The following ABTB3 variants were observed in gnomAD, a reference collection of about 807,000 sequenced individuals.
ABTB3 encodes ankyrin repeat and BTB domain containing 3, also known as ankyrin repeat- and BTB/POZ domain-containing protein 3.
At chr12:107,392,768 C>T in the ABTB3 span, among the ~76,000 whole-genome samples, 4 of 152,220 alleles carry the variant, frequency 2.6e-5, no homozygotes, top group African/African-American at 9.6e-5. Context: ...CATTGCTGAA[C>T]TAAGCCTGGT....
chr12:107,470,107 C>T, the ABTB3 span, among the ~76,000 whole-genome samples: 1 of 150,956 alleles, frequency 6.6e-6, no homozygotes, highest in Non-Finnish European at 1.5e-5. Context: ...GGCATAATCT[C>T]GGCTCACTGC....
chr12:107,337,921 G>C, the ABTB3 span, among the ~76,000 whole-genome samples: 1 of 152,320 alleles, frequency 6.6e-6, no homozygotes, highest in Non-Finnish European at 1.5e-5. Context: ...TGGTCTTGCT[G>C]TTCTCTCTCC....
chr12:107,505,899 A>C, the ABTB3 span, among the ~76,000 whole-genome samples: 2 of 152,144 alleles, frequency 1.3e-5, no homozygotes, highest in African/African-American at 2.4e-5. Flanking sequence ...TCCATGGTGC[A>C]TATATGTACT....
At chr12:107,561,570 G>A in the ABTB3 span, among the ~76,000 whole-genome samples, 1 of 152,166 alleles carries the variant, frequency 6.6e-6, no homozygotes, top group African/African-American at 2.4e-5. Context: ...TGGAAAGTCA[G>A]GGGTGTACAG....
the ABTB3 span, among the ~76,000 whole-genome samples, chr12:107,448,991 G>T: frequency 6.6e-6 from 1 of 152,252 alleles, no homozygotes; most frequent in African/African-American, 2.4e-5. Flanking sequence ...GAATGCAGGT[G>T]CAGTTCTGAC....
At chr12:107,385,433 T>C in the ABTB3 span, among the ~76,000 whole-genome samples, 882 of 152,378 alleles carry the variant, frequency 5.8e-3, 6 homozygotes, top group African/African-American at 0.02. Flanking sequence ...CATTGCCTGC[T>C]GAGAGCAGTG....
At chr12:107,389,846 TTGTGTGTGTG>T in the ABTB3 span, among the ~76,000 whole-genome samples, 9,010 of 141,458 alleles carry the variant, frequency 0.064, 358 homozygotes, top group Admixed American at 0.12. Flanking sequence ...GTGTGTGTGT[TTGTGTGTGTG>T]TGTGTGTGTG....
the ABTB3 span, among the ~76,000 whole-genome samples, chr12:107,475,942 C>T: frequency 1.3e-5 from 2 of 152,224 alleles, no homozygotes; most frequent in East Asian, 3.9e-4. Flanking sequence ...TTCACATCTC[C>T]TGAGGCTTCT....
At chr12:107,373,109 A>G in the ABTB3 span, among the ~76,000 whole-genome samples, 4 of 152,188 alleles carry the variant, frequency 2.6e-5, no homozygotes, top group African/African-American at 9.7e-5. Context: ...GAGAGGCAAA[A>G]TCACCTCTGG....
At chr12:107,528,710 G>A in the ABTB3 span, among the ~76,000 whole-genome samples, 1 of 152,174 alleles carries the variant, frequency 6.6e-6, no homozygotes, top group Non-Finnish European at 1.5e-5. Flanking sequence ...GCCCTCCTCA[G>A]AGACATCTTT....
At chr12:107,559,396 G>T in the ABTB3 span, among the ~76,000 whole-genome samples, 5 of 149,504 alleles carry the variant, frequency 3.3e-5, no homozygotes, top group African/African-American at 1.0e-4. Flanking sequence ...CAACATTAGC[G>T]AATATTAGCC....
chr12:107,618,516 G>C, the ABTB3 span: 1 of 743,592 alleles, frequency 1.3e-6, no homozygotes, highest in African/African-American at 1.8e-5. Flanking sequence ...ACACACAAGG[G>C]GACCCAGGGA....
the ABTB3 span, among the ~76,000 whole-genome samples, chr12:107,497,181 C>T: frequency 6.6e-6 from 1 of 151,872 alleles, no homozygotes; most frequent in Non-Finnish European, 1.5e-5. Flanking sequence ...ACTTTATCCT[C>T]AATACCACCA....
chr12:107,441,774 C>CAAAAAA, the ABTB3 span, among the ~76,000 whole-genome samples: 43 of 80,042 alleles, frequency 5.4e-4, 5 homozygotes, highest in African/African-American at 1.8e-3. Context: ...CTTGTCTCTA[C>CAAAAAA]AAAAAAAAAA....
chr12:107,349,024 G>C, the ABTB3 span, among the ~76,000 whole-genome samples: 3 of 152,144 alleles, frequency 2.0e-5, no homozygotes, highest in African/African-American at 7.2e-5. Flanking sequence ...GGTTCTCTCT[G>C]TACCTGTAAA....
chr12:107,499,344 GAC>G, the ABTB3 span, among the ~76,000 whole-genome samples: 1 of 148,802 alleles, frequency 6.7e-6, no homozygotes, highest in Non-Finnish European at 1.5e-5. Flanking sequence ...CACACAGAGA[GAC>G]ACACAAAGAG....
the ABTB3 span, among the ~76,000 whole-genome samples, chr12:107,422,081 G>A: frequency 6.6e-6 from 1 of 152,304 alleles, no homozygotes; most frequent in South Asian, 2.1e-4. Context: ...GAGGTAGATA[G>A]GTTTGGGGAG....
the ABTB3 span, among the ~76,000 whole-genome samples, chr12:107,327,947 C>A: frequency 1.3e-5 from 2 of 152,184 alleles, no homozygotes; most frequent in African/African-American, 4.8e-5. Context: ...GGAGATGTCT[C>A]TGATTGAGGA....
the ABTB3 span, chr12:107,580,659 C>T: frequency 5.0e-5 from 25 of 503,996 alleles, no homozygotes; most frequent in Admixed American, 1.1e-4. Context: ...GAAAGAGCTC[C>T]AGAAAGACGA....
Sources: allele counts gnomAD v4.1 joint callset (sites outside exome capture counted in the v4.1 genomes callset), GRCh38; gene constraint gnomAD v4.1.1; transcripts MANE v1.5; gene names NCBI Gene and HGNC (gene_info 2026-07-23, HGNC 2026-07-21).